The following SLC25A37 variants were observed in gnomAD, a reference collection of about 807,000 sequenced individuals.
SLC25A37 encodes the protein solute carrier family 25 member 37, also known as mitoferrin-1.
A neutral mutation model predicts 31.0 loss-of-function variants in SLC25A37; 17 were observed. The observed-to-expected ratio is 0.55, with a 90% CI of 0.38 to 0.82. SLC25A37 has a LOEUF of 0.82. Ranked by LOEUF, SLC25A37 falls within the 40% of genes least tolerant of loss-of-function variation. The probability of loss-of-function intolerance (pLI) is 0.00; values close to 1 mark genes in which losing one functional copy is unlikely to be tolerated. For synonymous variants in SLC25A37, 222 were observed against 193.0 expected (o/e 1.15, Z -1.24); for missense variants, 404 against 465.8 (o/e 0.87, Z 1.22).
In SLC25A37 at chr8:23,566,176, A is replaced by T; in HGVS notation, c.279A>T (p.Lys93Asn). 6.2e-7 allele frequency: 1 copy of T among 1,606,392 alleles called. No homozygotes were observed. The highest frequency in any genetic ancestry group is 8.5e-7 in the Non-Finnish European group (1 of 1,177,322). The change falls in exon 2 of 4, where the codon AAA becomes AAT. Residue 93 changes from lysine to asparagine, a missense_variant. Transcript: ENST00000519973. ...QYTSIYGALK[K>N]IMRTEGFWRP... Reference sequence around the variant, plus strand: ...CAAGTATCTACGGAGCCCTCAAGAAAATCATGCGGACCGAAGGCTTCTGGA... The same window carrying T: ...CAAGTATCTACGGAGCCCTCAAGAATATCATGCGGACCGAAGGCTTCTGGA...
At position 23,540,510 on chromosome 8, in the gene SLC25A37, A is replaced by T. The variant is rs1034235491; in HGVS notation, c.210+11298A>T. 4.6e-5 allele frequency among the ~76,000 whole-genome samples: 7 copies of T among 152,340 alleles called. No individual in the cohort carries two copies. The South Asian group carries it at 1.5e-3, about 32-fold the overall frequency. On this transcript the variant is annotated intron_variant, in intron 1 of 3. Transcript: ENST00000519973. ...CGTATAGTTAGGAGTTCTTTGGGCAAGTACTCCAGCAAGCAAGGAAGAAGG... is the reference window on the plus strand; with the variant it reads ...CGTATAGTTAGGAGTTCTTTGGGCATGTACTCCAGCAAGCAAGGAAGAAGG...
rs771998739 is a variant in SLC25A37 at position 23,533,937 on chromosome 8, C to T, written c.210+4725C>T. On this transcript the variant is annotated intron_variant, in intron 1 of 3. Transcript: ENST00000519973. ...CCAATCTCTTTCTCTTTTTTTTCTCCCTCTCTCTCTCTTTTTTTTTGTTTT... is the reference window on the plus strand; with the variant it reads ...CCAATCTCTTTCTCTTTTTTTTCTCTCTCTCTCTCTCTTTTTTTTTGTTTT... 7.7e-5 allele frequency among the ~76,000 whole-genome samples: 8 copies of T among 104,360 alleles called. No individual in the cohort carries two copies. The Admixed American group carries it at 9.3e-4, about 12-fold the overall frequency. 68.5% of individuals were successfully genotyped at this position (104,360 alleles called of 152,430 possible). A position where few individuals can be genotyped will look rare whatever the true frequency, so the allele number is the denominator to read the frequency against.
At chr8:23,546,689 A>AT (rs1206331508) in intron 1 of SLC25A37, among the ~76,000 whole-genome samples, 1 of 150,672 alleles carries the variant, frequency 6.6e-6, no homozygotes, top group Non-Finnish European at 1.5e-5. Context: ...ATTAAGGTAG[A>AT]TTTGTATTTA....
chr8:23,543,090 A>T (rs1023103385), intron 1 of SLC25A37: 3 of 151,466 alleles, frequency 2.0e-5, no homozygotes, highest in African/African-American at 7.3e-5. Flanking sequence ...TTTTTTAGAG[A>T]CAGGGTCTTG....
At position 23,555,575 on chromosome 8, in the gene SLC25A37, C is replaced by T. The variant is rs538330213; in HGVS notation, c.211-10533C>T. On this transcript the variant is annotated intron_variant, in intron 1 of 3. Transcript: ENST00000519973. ...AAACTCTTCACTGAGTCTTTTGCCC[C>T]TAGCAATAGCAGTGCTTCCTGAAGC... Among the ~76,000 whole-genome samples the T allele has an allele frequency of 6.6e-5, 10 of 152,312 alleles. No individual in the cohort carries two copies. The South Asian group carries it at 2.1e-3, about 32-fold the overall frequency.
chr8:23,564,064 C>T (rs1023097989), intron 1 of SLC25A37, among the ~76,000 whole-genome samples: 1 of 152,000 alleles, frequency 6.6e-6, no homozygotes, highest in Admixed American at 6.6e-5. Flanking sequence ...TTTTTTTAAG[C>T]ATTAAAAATG....
At chr8:23,548,030 A>AGG (rs1802114899) in intron 1 of SLC25A37, among the ~76,000 whole-genome samples, 1 of 152,178 alleles carries the variant, frequency 6.6e-6, no homozygotes, top group Non-Finnish European at 1.5e-5. Context: ...GGGTTAGCCC[A>AGG]TCATTCCAGA....
At chr8:23,533,648 G>A (rs1320013104) in intron 1 of SLC25A37, among the ~76,000 whole-genome samples, 3 of 152,196 alleles carry the variant, frequency 2.0e-5, no homozygotes, top group Admixed American at 1.3e-4. Context: ...TGCTGGTGTG[G>A]AAGCCTTCAG....
At chr8:23,563,206 A>G (rs1802562150) in intron 1 of SLC25A37, among the ~76,000 whole-genome samples, 1 of 151,986 alleles carries the variant, frequency 6.6e-6, no homozygotes, top group African/African-American at 2.4e-5. Flanking sequence ...ATTTTTTTTA[A>G]GACAGGGTTT....
intron 1 of SLC25A37, among the ~76,000 whole-genome samples, chr8:23,545,863 G>A (rs1190817737): frequency 2.6e-5 from 4 of 152,114 alleles, no homozygotes; most frequent in South Asian, 2.1e-4. Context: ...TAGGCCGGGC[G>A]CGGTGGCTCA....
rs997306026 is a variant in SLC25A37, at chr8:23,573,429, C to G, written c.*1574C>G. The G allele has an allele frequency of 5.5e-6, 1 of 182,774 alleles. No homozygotes were observed. Among genetic ancestry groups the G allele is most frequent in the South Asian group, 1.1e-4 (1 of 9,510 alleles). 11.3% of individuals were successfully genotyped at this position (182,774 alleles called of 1,614,324 possible). A position where few individuals can be genotyped will look rare whatever the true frequency, so the allele number is the denominator to read the frequency against. ...ACTGTCTCTGATTTGGAGCCCTCACCGGAGCTTGTCTTTAAAAATGAGCAG... is the reference window on the plus strand; with the variant it reads ...ACTGTCTCTGATTTGGAGCCCTCACGGGAGCTTGTCTTTAAAAATGAGCAG... On this transcript the variant is annotated 3_prime_UTR_variant, in exon 4 of 4. Transcript: ENST00000519973.
chr8:23,533,479 C>T (rs933184481), intron 1 of SLC25A37, among the ~76,000 whole-genome samples: 3 of 152,240 alleles, frequency 2.0e-5, no homozygotes, highest in Non-Finnish European at 4.4e-5. Flanking sequence ...CACGTTTCAG[C>T]TGCATGTGGC....
intron 1 of SLC25A37, among the ~76,000 whole-genome samples, chr8:23,536,948 T>C (rs12549737): frequency 0.12 from 18,187 of 152,178 alleles, 1,471 homozygotes; most frequent in Admixed American, 0.22. Flanking sequence ...GTAATCCCAA[T>C]ACCTTGAGAG....
chr8:23,569,758 C>T (rs575183311), intron 3 of SLC25A37, among the ~76,000 whole-genome samples: 21 of 135,496 alleles, frequency 1.5e-4, no homozygotes, highest in Non-Finnish European at 3.3e-4. Flanking sequence ...TATATCCCGG[C>T]GTCTTAGCCG....
chr8:23,570,389 C>G (rs1481495504), intron 3 of SLC25A37, among the ~76,000 whole-genome samples: 1 of 117,344 alleles, frequency 8.5e-6, no homozygotes, highest in Non-Finnish European at 1.7e-5. Context: ...AGGAAAGAGG[C>G]ATTCTTAGGT....
intron 1 of SLC25A37, among the ~76,000 whole-genome samples, chr8:23,564,254 T>C (rs978866439): frequency 1.3e-5 from 2 of 151,918 alleles, no homozygotes; most frequent in Non-Finnish European, 2.9e-5. Flanking sequence ...ATTCAGGTGA[T>C]TGGTTTTCAC....
In SLC25A37 at chr8:23,536,088, T is replaced by C. The variant is rs181914642; in HGVS notation, c.210+6876T>C. ...TGCGTACGTTGTCAATAAATGGTGA[T>C]GGTGATGTCATTTTTGTCCCCTCAC... is the stretch of plus-strand genomic sequence containing the variant. On this transcript the variant is annotated intron_variant, in intron 1 of 3. Transcript: ENST00000519973. Among the ~76,000 whole-genome samples, 426 of 152,320 alleles carry C rather than the reference T, an allele frequency of 2.8e-3. 1 individual carries two copies. Among genetic ancestry groups the C allele is most frequent in the African/African-American group, 9.4e-3 (389 of 41,568 alleles).
chr8:23,538,698 C>T (rs960806899), intron 1 of SLC25A37, among the ~76,000 whole-genome samples: 1 of 152,144 alleles, frequency 6.6e-6, no homozygotes, highest in Non-Finnish European at 1.5e-5. Flanking sequence ...AATGCCTGGT[C>T]CCCGTTCTCA....
intron 1 of SLC25A37, among the ~76,000 whole-genome samples, chr8:23,539,555 C>G (rs116894855): frequency 0.023 from 3,546 of 152,326 alleles, 64 homozygotes; most frequent in South Asian, 0.052. Flanking sequence ...GGTCACCAAA[C>G]TGGGGCGGGG....
Sources: allele counts gnomAD v4.1 joint callset (sites outside exome capture counted in the v4.1 genomes callset), GRCh38; gene constraint gnomAD v4.1.1; transcripts MANE v1.5; gene names NCBI Gene and HGNC (gene_info 2026-07-23, HGNC 2026-07-21).